Variants in RAPH1 observed in about 807,000 individuals in gnomAD.
The protein encoded by RAPH1 is ras-associated and pleckstrin homology domains-containing protein 1.
A neutral mutation model predicts 88.1 loss-of-function variants in RAPH1; 18 were observed. The observed-to-expected ratio is 0.20, with a 90% CI of 0.14 to 0.30. The LOEUF (loss-of-function observed/expected upper bound fraction) is 0.30, where lower values mean the gene tolerates loss of function less well. Ranked by LOEUF, RAPH1 falls within the 10% of genes least tolerant of loss-of-function variation. The probability of loss-of-function intolerance (pLI) is 1.00; values close to 1 mark genes in which losing one functional copy is unlikely to be tolerated. For missense variants in RAPH1, 1,448 were observed against 1,543.2 expected (o/e 0.94, Z 1.03); for synonymous variants, 587 against 559.0 (o/e 1.05, Z -0.71).
In RAPH1 at chr2:203,438,176, A is replaced by G; in HGVS notation, c.*1261T>C. The G allele has an allele frequency of 1.9e-6, 1 of 518,828 alleles. No homozygotes were observed. Among genetic ancestry groups the G allele is most frequent in the Non-Finnish European group, 3.8e-6 (1 of 259,832 alleles). 32.1% of individuals were successfully genotyped at this position (518,828 alleles called of 1,614,324 possible). A position where few individuals can be genotyped will look rare whatever the true frequency, so the allele number is the denominator to read the frequency against. ...TAATCACAACCAGGCTGCAGTCAGCAAGGGTCCTGGTAGCCCCAGTAGCTA... is the reference window on the plus strand; with the variant it reads ...TAATCACAACCAGGCTGCAGTCAGCGAGGGTCCTGGTAGCCCCAGTAGCTA... On this transcript the variant is annotated 3_prime_UTR_variant, in exon 14 of 14. Coordinates refer to ENST00000319170, the MANE Select transcript of RAPH1 (RefSeq NM_213589.3).
intron 1 of RAPH1, among the ~76,000 whole-genome samples, chr2:203,521,935 T>A (rs918260041): frequency 2.6e-5 from 4 of 152,158 alleles, no homozygotes; most frequent in African/African-American, 9.7e-5. Context: ...TGTTGCATAT[T>A]TCCATTAATA....
chr2:203,491,577 GT>G (rs1688269932), intron 2 of RAPH1, among the ~76,000 whole-genome samples: 1 of 151,762 alleles, frequency 6.6e-6, no homozygotes, highest in Non-Finnish European at 1.5e-5. Context: ...CTTAAGTGCC[GT>G]GCCACAAGCT....
Position 203,448,713 on chromosome 2 carries a change from A to G in RAPH1, c.1512+25T>C, listed in dbSNP as rs375207102. Reference sequence around the variant, plus strand: ...TCATCGACAAACACCTCATTATTCCATCATCAAATCAAAAGGAGACATGCC... The same window carrying G: ...TCATCGACAAACACCTCATTATTCCGTCATCAAATCAAAAGGAGACATGCC... On this transcript the variant is annotated intron_variant, in intron 11 of 13. Transcript: ENST00000319170. The surrounding 1 kb of genome is among the most constrained non-coding windows in gnomAD (Gnocchi z 4.1). 2.0e-5 allele frequency: 30 copies of G among 1,464,880 alleles called. No homozygotes were observed. The highest frequency in any genetic ancestry group is 2.5e-5 in the Non-Finnish European group (27 of 1,060,004). The allele number at this position is 1,464,880 out of a possible 1,614,324, so 90.7% of individuals were successfully genotyped here. A position where few individuals can be genotyped will look rare whatever the true frequency, so the allele number is the denominator to read the frequency against.
At chr2:203,509,342 T>G (rs1689231912) in intron 1 of RAPH1, among the ~76,000 whole-genome samples, 1 of 152,134 alleles carries the variant, frequency 6.6e-6, no homozygotes, top group African/African-American at 2.4e-5. Context: ...ATTACAGGCG[T>G]GAGCCACCAC....
intron 1 of RAPH1, among the ~76,000 whole-genome samples, chr2:203,526,012 G>A (rs1464045912): frequency 2.0e-5 from 3 of 148,174 alleles, no homozygotes; most frequent in African/African-American, 5.3e-5. Flanking sequence ...AAAATACTAT[G>A]GACATGAAAA....
At chr2:203,516,003 T>C (rs1314907107) in intron 1 of RAPH1, among the ~76,000 whole-genome samples, 1 of 152,206 alleles carries the variant, frequency 6.6e-6, no homozygotes, top group African/African-American at 2.4e-5. Flanking sequence ...AGATAATAGT[T>C]TGTTCAAAAT....
intron 4 of RAPH1, among the ~76,000 whole-genome samples, chr2:203,483,727 T>C (rs563870352): frequency 2.8e-4 from 43 of 152,220 alleles, no homozygotes; most frequent in African/African-American, 9.9e-4. Context: ...CACTATCCAA[T>C]TGACTGAGGG....
chr2:203,448,503 T>G lies in RAPH1; in HGVS notation c.1512+235A>C, dbSNP rs2098511963. Among the ~76,000 whole-genome samples the G allele has an allele frequency of 6.6e-6, 1 of 152,210 alleles. No homozygotes were observed. Among genetic ancestry groups the G allele is most frequent in the Admixed American group, 6.5e-5 (1 of 15,276 alleles). ...TTCTCCAAAGCCAAAATAAATCACTTTGATACTACACAAGCTTTTACCAGC... is the reference window on the plus strand; with the variant it reads ...TTCTCCAAAGCCAAAATAAATCACTGTGATACTACACAAGCTTTTACCAGC... On this transcript the variant is annotated intron_variant, in intron 11 of 13. Transcript: ENST00000319170. The surrounding 1 kb of genome is among the most constrained non-coding windows in gnomAD (Gnocchi z 4.1).
In RAPH1 at chr2:203,457,519, G is replaced by A. The variant is rs1433501533; in HGVS notation, c.1158+11C>T. 5 of 1,606,590 alleles carry A rather than the reference G, an allele frequency of 3.1e-6. No homozygotes were observed. In the South Asian group the frequency reaches 5.5e-5, roughly 18 times the overall value. On this transcript the variant is annotated intron_variant, in intron 8 of 13. Transcript: ENST00000319170. ...ATTTTTAAATGTGCAGGAAAATGGG[G>A]GTTGTCATACCTCCAAGAGGACTTC...
rs2098517524 is a variant in RAPH1 at position 203,454,466 on chromosome 2, T to A, written c.1377A>T (p.Lys459Asn). 1 of 1,613,582 alleles carries A rather than the reference T, an allele frequency of 6.2e-7. No individual in the cohort carries two copies. The highest frequency in any genetic ancestry group is 8.5e-7 in the Non-Finnish European group (1 of 1,179,856). ...GACAATAGTCTGTAGGTGCTTTGTA[T>A]TTGTTCCGATAGTCCTGGCCATAAT... ...NVYYGQDYRNKYKAPTDYCLV... is the reference protein window; with the variant it reads ...NVYYGQDYRNNYKAPTDYCLV... Residue 459 changes from lysine (K) to asparagine (N), a missense_variant, in exon 10 of 14, where the codon AAA (lysine) becomes AAT (asparagine). Lys to Asn is a moderately conservative substitution (Grantham distance 94). Coordinates refer to ENST00000319170, the MANE Select transcript of RAPH1 (RefSeq NM_213589.3).
At chr2:203,477,093 G>A (rs756696509) in intron 4 of RAPH1, 2 of 1,613,622 alleles carry the variant, frequency 1.2e-6, no homozygotes, top group Non-Finnish European at 1.7e-6. Flanking sequence ...AGCTCAGCCT[G>A]TTCTTCTGTG....
At position 203,448,869 on chromosome 2, in the gene RAPH1, C is replaced by T; in HGVS notation, c.1414-33G>A. 1 of 1,443,156 alleles carries T rather than the reference C, an allele frequency of 6.9e-7. No homozygotes were observed. The highest frequency in any genetic ancestry group is 9.6e-7 in the Non-Finnish European group (1 of 1,039,864). 89.4% of individuals were successfully genotyped at this position (1,443,156 alleles called of 1,614,324 possible). A position where few individuals can be genotyped will look rare whatever the true frequency, so the allele number is the denominator to read the frequency against. On this transcript the variant is annotated intron_variant, in intron 10 of 13. Transcript: ENST00000319170. This position sits in a 1 kb window ranked among gnomAD's most constrained non-coding sequence, Gnocchi z 4.1. ...ATTAAAGACAAAATCCAACTAAGTC[C>T]CTTGGAGAACTAAAGAAAAACAAAC...
At chr2:203,512,971 T>C (rs1214637728) in intron 1 of RAPH1, among the ~76,000 whole-genome samples, 1 of 152,150 alleles carries the variant, frequency 6.6e-6, no homozygotes, top group Admixed American at 6.6e-5. Context: ...AAATCTCAAA[T>C]AGGTAAATCT....
chr2:203,481,882 G>A (rs1280051502), intron 4 of RAPH1, among the ~76,000 whole-genome samples: 3 of 151,128 alleles, frequency 2.0e-5, no homozygotes, highest in South Asian at 2.1e-4. Flanking sequence ...GATTACGGGC[G>A]TGAGCCACTG....
chr2:203,448,588 C>A lies in RAPH1; in HGVS notation c.1512+150G>T. 2.0e-6 allele frequency: 1 copy of A among 499,708 alleles called. No individual in the cohort carries two copies. 31.0% of individuals were successfully genotyped at this position (499,708 alleles called of 1,614,324 possible). On this transcript the variant is annotated intron_variant, in intron 11 of 13. Transcript: ENST00000319170. This position sits in a 1 kb window ranked among gnomAD's most constrained non-coding sequence, Gnocchi z 4.1. ...TATCCCTATAAACAAGGAAAAAAGA[C>A]AACATTTAAAACTTGAAACTTAGGC...
intron 4 of RAPH1, among the ~76,000 whole-genome samples, chr2:203,474,498 T>A (rs2098535702): frequency 6.6e-6 from 1 of 152,248 alleles, no homozygotes; most frequent in Non-Finnish European, 1.5e-5. Context: ...TAATACTGAA[T>A]GAATTTTCCA....
chr2:203,523,976 C>G (rs1690005422), intron 1 of RAPH1, among the ~76,000 whole-genome samples: 1 of 152,064 alleles, frequency 6.6e-6, no homozygotes, highest in Non-Finnish European at 1.5e-5. Flanking sequence ...TGTACTCCAG[C>G]CTGGGCAACA....
chr2:203,455,371 T>C, intron 9 of RAPH1, 66 bp downstream of exon 9: 2 of 1,458,788 alleles, frequency 1.4e-6, no homozygotes, highest in African/African-American at 2.8e-5. Flanking sequence ...CTTGTCAGCA[T>C]ACTCAATACA....
At position 203,489,867 on chromosome 2, in the gene RAPH1, C is replaced by G. The variant is rs376138650; in HGVS notation, c.449G>C (p.Ser150Thr). Residue 150 changes from serine to threonine, a missense_variant, in exon 4 of 14, where the codon AGC (serine) becomes ACC (threonine). This residue lies in a region of RAPH1 where 513 missense variants were observed against 653.1 expected (regional missense o/e 0.79). Coordinates refer to ENST00000319170, the MANE Select transcript of RAPH1 (RefSeq NM_213589.3). ...TGCAGTGACGTCGTCCAAGGAGTAG[C>G]TGGCATGGGAAGGTTTAGCTATCCT... Reference protein sequence around the residue: ...SNRIAKPSHASYSLDDVTAQL... With the variant: ...SNRIAKPSHATYSLDDVTAQL... 6.9e-5 allele frequency: 112 copies of G among 1,614,102 alleles called. No individual in the cohort carries two copies. The highest frequency in any genetic ancestry group is 9.2e-5 in the Non-Finnish European group (109 of 1,180,038).
Sources: gnomAD v4.1 joint callset for allele counts (sites outside exome capture counted in the v4.1 genomes callset) on GRCh38, gnomAD v4.1.1 for gene constraint, gnomAD v4.1.1 regional missense constraint, Gnocchi (gnomAD v3.1) non-coding constraint, MANE v1.5 for transcripts, NCBI Gene and HGNC (gene_info 2026-07-23, HGNC 2026-07-21) for gene names.